The following SEZ6L variants were observed in gnomAD, a reference collection of about 807,000 sequenced individuals.
The protein encoded by SEZ6L is seizure 6-like protein.
A neutral mutation model predicts 106.2 loss-of-function variants in SEZ6L; 37 were observed. The observed-to-expected ratio is 0.35, with a 90% CI of 0.27 to 0.46. The LOEUF (loss-of-function observed/expected upper bound fraction) is 0.46. SEZ6L is among the 20% of genes least tolerant of loss of function. The probability of loss-of-function intolerance (pLI) is 1.00; values close to 1 mark genes in which losing one functional copy is unlikely to be tolerated. For missense variants in SEZ6L, 1,172 were observed against 1,332.8 expected (o/e 0.88, Z 1.88); for synonymous variants, 541 against 570.4 (o/e 0.95, Z 0.73).
At chr22:26,376,516 T>G (rs5997083) in intron 15 of SEZ6L, among the ~76,000 whole-genome samples, 2 of 151,244 alleles carry the variant, frequency 1.3e-5, no homozygotes, top group Admixed American at 6.6e-5. Context: ...CCAACGCAGG[T>G]GAATCACTTG....
chr22:26,328,953 T>G (rs1029256869), intron 9 of SEZ6L, among the ~76,000 whole-genome samples: 2 of 152,208 alleles, frequency 1.3e-5, no homozygotes, highest in South Asian at 4.2e-4. Flanking sequence ...ATTCCCAGTC[T>G]CCACCCCCAG....
intron 9 of SEZ6L, among the ~76,000 whole-genome samples, chr22:26,314,499 A>C (rs1322815413): frequency 6.6e-6 from 1 of 152,224 alleles, no homozygotes; most frequent in African/African-American, 2.4e-5. Flanking sequence ...CTAGACCAGA[A>C]GGTCCTCTCC....
At chr22:26,283,559 C>T (rs1246532869) in intron 1 of SEZ6L, among the ~76,000 whole-genome samples, 3 of 152,052 alleles carry the variant, frequency 2.0e-5, no homozygotes, top group African/African-American at 7.3e-5. Flanking sequence ...TGTTGATCAA[C>T]AACAACAATA....
intron 10 of SEZ6L, among the ~76,000 whole-genome samples, chr22:26,344,214 G>A (rs1256651176): frequency 1.3e-5 from 2 of 152,120 alleles, no homozygotes; most frequent in African/African-American, 2.4e-5. Context: ...GAAGACTCTG[G>A]GCCTACGTGG....
intron 5 of SEZ6L, among the ~76,000 whole-genome samples, chr22:26,303,709 C>G (rs192579911): frequency 6.6e-6 from 1 of 152,286 alleles, no homozygotes; most frequent in Admixed American, 6.5e-5. Flanking sequence ...CTTCTGGTTG[C>G]TGGTAGTGTG....
chr22:26,348,644 G>T (rs868115427), intron 11 of SEZ6L, among the ~76,000 whole-genome samples: 1 of 12,122 alleles, frequency 8.2e-5, no homozygotes, highest in Non-Finnish European at 1.3e-4. Context: ...AAGAAAGAAA[G>T]AAAAAGAAAG....
chr22:26,227,883 T>G (rs2078681120), intron 1 of SEZ6L, among the ~76,000 whole-genome samples: 1 of 152,298 alleles, frequency 6.6e-6, no homozygotes, highest in Admixed American at 6.5e-5. Context: ...GATGGAAGAT[T>G]TGCACACATG....
chr22:26,171,721 T>G (rs1938622109), intron 1 of SEZ6L, among the ~76,000 whole-genome samples: 1 of 152,176 alleles, frequency 6.6e-6, no homozygotes, highest in Non-Finnish European at 1.5e-5. Flanking sequence ...ACCACCAAAT[T>G]AAAGTCAATT....
At chr22:26,377,829 C>A in intron 16 of SEZ6L, 54 bp downstream of exon 16, 1 of 1,300,862 alleles carries the variant, frequency 7.7e-7, no homozygotes, top group East Asian at 2.3e-5. Flanking sequence ...GCTCTGAATT[C>A]ACCAACAATA....
At chr22:26,216,202 T>G (rs552657067) in intron 1 of SEZ6L, among the ~76,000 whole-genome samples, 1 of 152,214 alleles carries the variant, frequency 6.6e-6, no homozygotes, top group East Asian at 1.9e-4. Context: ...CCTTGCGCAG[T>G]CCCACGTGGT....
chr22:26,266,597 A>G (rs1422150979), intron 1 of SEZ6L, among the ~76,000 whole-genome samples: 2 of 148,800 alleles, frequency 1.3e-5, no homozygotes, highest in South Asian at 2.1e-4. Context: ...AAATAAATAA[A>G]TAAATAAATA....
At chr22:26,296,068 C>T (rs1364245195) in intron 3 of SEZ6L, among the ~76,000 whole-genome samples, 1 of 152,200 alleles carries the variant, frequency 6.6e-6, no homozygotes, top group Non-Finnish European at 1.5e-5. Context: ...AAGCCCTACT[C>T]ATAAAAGCGT....
rs796753270 is a variant in SEZ6L at position 26,240,078 on chromosome 22, ACACACACACACACT to A, written c.95-52314_95-52301del. ...CATACACACATACAGACACACACAC[ACACACACACACACT>A]CACACACACACACACACACACACAC... On this transcript the variant is annotated intron_variant, in intron 1 of 16. Coordinates refer to ENST00000248933, the MANE Select transcript of SEZ6L (RefSeq NM_021115.5). Among the ~76,000 whole-genome samples, 1,435 of 143,784 alleles carry A rather than the reference ACACACACACACACT, an allele frequency of 1.0e-2. 32 individuals carry two copies. Among genetic ancestry groups the A allele is most frequent in the East Asian group, 0.084 (384 of 4,576 alleles). 94.3% of individuals were successfully genotyped at this position (143,784 alleles called of 152,430 possible).
chr22:26,376,543 A>T (rs2084230130), intron 15 of SEZ6L, among the ~76,000 whole-genome samples: 1 of 152,102 alleles, frequency 6.6e-6, no homozygotes, highest in Admixed American at 6.5e-5. Flanking sequence ...GGAGTTCGAG[A>T]CTAGCCTGGC....
At chr22:26,367,462 G>A (rs2083857850) in intron 13 of SEZ6L, among the ~76,000 whole-genome samples, 1 of 152,030 alleles carries the variant, frequency 6.6e-6, no homozygotes, top group African/African-American at 2.4e-5. Flanking sequence ...TCCTACCTCA[G>A]CCTCGCGAGT....
intron 1 of SEZ6L, among the ~76,000 whole-genome samples, chr22:26,211,419 G>T (rs191421833): frequency 6.6e-6 from 1 of 152,134 alleles, no homozygotes; most frequent in Admixed American, 6.5e-5. Flanking sequence ...CCCACCTCAG[G>T]TCCTAGGCCC....
chr22:26,312,338 G>C (rs1014865515), intron 8 of SEZ6L, among the ~76,000 whole-genome samples: 7 of 152,184 alleles, frequency 4.6e-5, no homozygotes, highest in Admixed American at 6.5e-5. Context: ...TAATAATTAT[G>C]CTACCAGCAC....
chr22:26,221,730 GCACACGCGTGCACA>G (rs1270500159), intron 1 of SEZ6L, among the ~76,000 whole-genome samples: 8 of 138,698 alleles, frequency 5.8e-5, no homozygotes, highest in South Asian at 2.3e-4. Context: ...TCATGCGCGT[GCACACGCGTGCACA>G]CACACACACA....
chr22:26,307,276 G>A (rs976619574), intron 6 of SEZ6L, among the ~76,000 whole-genome samples: 1 of 152,100 alleles, frequency 6.6e-6, no homozygotes, highest in African/African-American at 2.4e-5. Flanking sequence ...AGAGACTTGT[G>A]GTCAGAAGCC....
Sources: allele counts gnomAD v4.1 joint callset (sites outside exome capture counted in the v4.1 genomes callset), GRCh38; gene constraint gnomAD v4.1.1; transcripts MANE v1.5; gene names NCBI Gene and HGNC (gene_info 2026-07-23, HGNC 2026-07-21).